Variants in PTPRD observed in about 807,000 individuals in gnomAD.
PTPRD encodes the protein receptor-type tyrosine-protein phosphatase delta.
A neutral mutation model predicts 214.5 loss-of-function variants in PTPRD; 34 were observed. That is an observed-to-expected ratio of 0.16 (90% CI 0.12 to 0.21). PTPRD has a LOEUF of 0.21. PTPRD is among the 10% of genes least tolerant of loss of function. The pLI is 1.00. For missense variants in PTPRD, 2,545 were observed against 2,398.7 expected (o/e 1.06, Z -1.27); for synonymous variants, 1,128 against 845.7 (o/e 1.33, Z -5.79).
chr9:9,537,775 G>T (rs1441114078), intron 8 of PTPRD, among the ~76,000 whole-genome samples: 3 of 151,808 alleles, frequency 2.0e-5, no homozygotes, highest in Non-Finnish European at 4.4e-5. Flanking sequence ...TAAAAACTTT[G>T]TATCTCACAG....
chr9:9,825,253 G>C (rs1194024355), intron 5 of PTPRD, among the ~76,000 whole-genome samples: 1 of 151,650 alleles, frequency 6.6e-6, no homozygotes, highest in Non-Finnish European at 1.5e-5. Context: ...TCAAAATAAA[G>C]ATTTAAGAGC....
At chr9:9,369,295 A>G (rs1169543523) in intron 9 of PTPRD, among the ~76,000 whole-genome samples, 19 of 151,912 alleles carry the variant, frequency 1.3e-4, no homozygotes, top group Admixed American at 3.3e-4. Flanking sequence ...TTTAATGATC[A>G]CCATTCTAAC....
intron 5 of PTPRD, among the ~76,000 whole-genome samples, chr9:9,835,324 G>A (rs1385245612): frequency 1.3e-5 from 2 of 151,952 alleles, no homozygotes; most frequent in African/African-American, 2.4e-5. Context: ...TCAATAAACA[G>A]TACATTTAGT....
intron 14 of PTPRD, among the ~76,000 whole-genome samples, chr9:8,621,174 T>C (rs367875906): frequency 2.4e-4 from 36 of 151,898 alleles, no homozygotes; most frequent in African/African-American, 8.2e-4. Context: ...TCCACACCAA[T>C]TACTTCCCCT....
intron 5 of PTPRD, among the ~76,000 whole-genome samples, chr9:9,897,736 C>G (rs1478239748): frequency 6.6e-6 from 1 of 151,974 alleles, no homozygotes; most frequent in Non-Finnish European, 1.5e-5. Flanking sequence ...TTTTTAGAAA[C>G]AGTATTTTAA....
intron 8 of PTPRD, among the ~76,000 whole-genome samples, chr9:9,528,820 G>GA (rs139445878): frequency 0.05 from 7,205 of 144,992 alleles, 539 homozygotes; most frequent in African/African-American, 0.17. Flanking sequence ...AGTACTGTGG[G>GA]AAAAAAAAAA....
chr9:10,229,093 A>G (rs143550940), intron 3 of PTPRD, among the ~76,000 whole-genome samples: 2,395 of 152,182 alleles, frequency 0.016, 65 homozygotes, highest in African/African-American at 0.054. Flanking sequence ...CAAAAGACAC[A>G]TGACAAAATG....
chr9:9,842,546 A>G (rs2153640074), intron 5 of PTPRD, among the ~76,000 whole-genome samples: 1 of 152,150 alleles, frequency 6.6e-6, no homozygotes, highest in African/African-American at 2.4e-5. Context: ...CAAAAAAGAG[A>G]GACTAGATGT....
chr9:10,119,625 G>T (rs2098758819), intron 3 of PTPRD, among the ~76,000 whole-genome samples: 2 of 151,908 alleles, frequency 1.3e-5, no homozygotes, highest in South Asian at 4.1e-4. Flanking sequence ...GTAAGATATT[G>T]GATGATAAAG....
chr9:10,014,098 G>A (rs1019559853), intron 4 of PTPRD, among the ~76,000 whole-genome samples: 1 of 151,878 alleles, frequency 6.6e-6, no homozygotes, highest in African/African-American at 2.4e-5. Flanking sequence ...CTAGAAAAAT[G>A]GTATCGTAAA....
At chr9:10,447,504 C>T (rs1157368696) in intron 2 of PTPRD, among the ~76,000 whole-genome samples, 1 of 152,056 alleles carries the variant, frequency 6.6e-6, no homozygotes, top group African/African-American at 2.4e-5. Flanking sequence ...CCAACATTTT[C>T]TGAGATCAAA....
At chr9:9,987,511 A>T (rs1407915327) in intron 4 of PTPRD, among the ~76,000 whole-genome samples, 1 of 152,052 alleles carries the variant, frequency 6.6e-6, no homozygotes, top group African/African-American at 2.4e-5. Flanking sequence ...ATCCAATCTC[A>T]TGAGACCAAT....
At chr9:8,343,029 C>G (rs901189415) in intron 39 of PTPRD, among the ~76,000 whole-genome samples, 1 of 152,036 alleles carries the variant, frequency 6.6e-6, no homozygotes, top group African/African-American at 2.4e-5. Flanking sequence ...GGCAAGGCAC[C>G]TTTGCAACGA....
At chr9:9,771,782 T>C (rs1004174331) in intron 5 of PTPRD, among the ~76,000 whole-genome samples, 3 of 152,128 alleles carry the variant, frequency 2.0e-5, no homozygotes, top group Admixed American at 2.0e-4. Context: ...AGAAATCAAA[T>C]AAAATTATTA....
At chr9:8,490,022 T>G (rs1387364548) in intron 27 of PTPRD, among the ~76,000 whole-genome samples, 1 of 152,342 alleles carries the variant, frequency 6.6e-6, no homozygotes, top group Middle Eastern at 3.4e-3. Flanking sequence ...AGGTTTCTAA[T>G]GCCTTAGGGT....
intron 4 of PTPRD, among the ~76,000 whole-genome samples, chr9:9,953,360 T>C (rs757025376): frequency 2.6e-5 from 4 of 152,104 alleles, no homozygotes; most frequent in Non-Finnish European, 4.4e-5. Flanking sequence ...GGGTACAGTG[T>C]ACACCATTCA....
chr9:10,073,134 G>A (rs1427637539), intron 3 of PTPRD, among the ~76,000 whole-genome samples: 1 of 152,042 alleles, frequency 6.6e-6, no homozygotes, highest in Non-Finnish European at 1.5e-5. Flanking sequence ...TAGTGGAGAG[G>A]AGAACGTTGA....
At chr9:9,253,097 T>C (rs1246001003) in intron 9 of PTPRD, among the ~76,000 whole-genome samples, 1 of 152,096 alleles carries the variant, frequency 6.6e-6, no homozygotes, top group Non-Finnish European at 1.5e-5. Flanking sequence ...AACTAAGATA[T>C]AAATTCAAGA....
chr9:8,989,914 C>T (rs560862992), intron 11 of PTPRD, among the ~76,000 whole-genome samples: 28 of 152,022 alleles, frequency 1.8e-4, no homozygotes, highest in Non-Finnish European at 3.8e-4. Context: ...TATAAGTTTA[C>T]GTCTACATTT....
Sources: allele counts gnomAD v4.1 joint callset (sites outside exome capture counted in the v4.1 genomes callset), GRCh38; gene constraint gnomAD v4.1.1; transcripts MANE v1.5; gene names NCBI Gene and HGNC (gene_info 2026-07-23, HGNC 2026-07-21).